Variants in OAS3 observed in about 807,000 individuals in gnomAD.
OAS3 encodes the protein 2'-5'-oligoadenylate synthetase 3.
Under a neutral mutation model 113.0 loss-of-function variants are expected in OAS3, and 107 were observed. The ratio of observed to expected loss-of-function variants is 0.95; its 90% CI spans 0.81 to 1.11. The LOEUF is 1.11. OAS3 is among the 50% of genes most tolerant of loss of function. The pLI is 0.00. For missense variants in OAS3, 1,258 were observed against 1,389.1 expected (o/e 0.91, Z 1.50); for synonymous variants, 552 against 573.6 (o/e 0.96, Z 0.54).
At chr12:112,965,691 C>T (rs1016562295) in intron 11 of OAS3, 53 bp from the exon 12 acceptor site, 130 of 1,538,938 alleles carry the variant, frequency 8.4e-5, no homozygotes, top group East Asian at 2.3e-4. Flanking sequence ...AGTCCAGAAC[C>T]GACAGGCTAA....
chr12:112,941,765 G>A lies in OAS3; in HGVS notation c.373G>A (p.Val125Met), dbSNP rs559681430. 26 of 1,614,028 alleles carry A rather than the reference G, an allele frequency of 1.6e-5. No homozygotes were observed. The highest frequency in any genetic ancestry group is 6.7e-5 in the East Asian group (3 of 44,884). ...GLRLTFPEQS[V>M]PGALQFRLTS... ...GAGACTCACGTTTCCTGAGCAGAGC[G>A]TGCCTGGGGCCCTGCAGTTCCGCCT... The change falls in exon 2 of 16, where the codon GTG becomes ATG. Residue 125 changes from valine (V) to methionine (M), a missense_variant. Transcript: ENST00000228928.
In OAS3 at chr12:112,967,901, A is replaced by G. The variant is rs1284197263; in HGVS notation, c.2866-35A>G. 2.5e-6 allele frequency: 4 copies of G among 1,599,362 alleles called. No homozygotes were observed. The South Asian group carries it at 3.4e-5, about 14-fold the overall frequency. ...TCCCTTCTGTACCTCATCAGTGCCA[A>G]TATGAACCAACATATCTTTCTTCTC... On this transcript the variant is annotated intron_variant, in intron 13 of 15. Transcript: ENST00000228928.
In OAS3 at chr12:112,973,175, C is replaced by G. The variant is rs1256217897; in HGVS notation, c.*3202C>G. On this transcript the variant is annotated 3_prime_UTR_variant, in exon 16 of 16. Coordinates refer to ENST00000228928, the MANE Select transcript of OAS3 (RefSeq NM_006187.4). Reference sequence around the variant, plus strand: ...CCCCATTCCTCCAACCCATTCTCTCCCTAATCCCTAGAAACCACCAATCTG... The same window carrying G: ...CCCCATTCCTCCAACCCATTCTCTCGCTAATCCCTAGAAACCACCAATCTG... The G allele has an allele frequency of 1.6e-4, 25 of 152,166 alleles. No homozygotes were observed. Among genetic ancestry groups the G allele is most frequent in the Admixed American group, 1.6e-3 (25 of 15,276 alleles). 9.4% of individuals were successfully genotyped at this position (152,166 alleles called of 1,614,324 possible). A position where few individuals can be genotyped will look rare whatever the true frequency, so the allele number is the denominator to read the frequency against.
intron 9 of OAS3, 36 bp downstream of exon 9, chr12:112,962,938 C>T (rs746683238): frequency 6.2e-7 from 1 of 1,607,660 alleles, no homozygotes; most frequent in Non-Finnish European, 8.5e-7. Context: ...GCTTCATTAT[C>T]CTCCCCCTCC....
At chr12:112,959,847 CTCTT>C (rs2043866850) in intron 7 of OAS3, among the ~76,000 whole-genome samples, 1 of 152,088 alleles carries the variant, frequency 6.6e-6, no homozygotes, top group Non-Finnish European at 1.5e-5. Context: ...TTATGTTTCT[CTCTT>C]TCTTAAATCA....
intron 5 of OAS3, among the ~76,000 whole-genome samples, 199 bp downstream of exon 5, chr12:112,948,298 T>C (rs946124607): frequency 2.0e-5 from 3 of 151,456 alleles, no homozygotes; most frequent in African/African-American, 7.3e-5. Context: ...AGGTCAGGAG[T>C]TCGAGACCAG....
In OAS3 at chr12:112,950,697, G is replaced by T. The variant is rs753623795; in HGVS notation, c.1379G>T (p.Gly460Val). 1 of 1,613,966 alleles carries T rather than the reference G, an allele frequency of 6.2e-7. No homozygotes were observed. The highest frequency in any genetic ancestry group is 1.1e-5 in the South Asian group (1 of 91,084). The change falls in exon 7 of 16, where the codon GGC becomes GTC. Residue 460 changes from glycine (G) to valine (V), a missense_variant. Physicochemically the swap from Gly to Val is moderately radical, Grantham distance 109 (BLOSUM62 -3). Coordinates refer to ENST00000228928, the MANE Select transcript of OAS3 (RefSeq NM_006187.4). ...VHKASRVSKGGSFGRGTDLRD... is the reference protein window; with the variant it reads ...VHKASRVSKGVSFGRGTDLRD... ...GAGCTGTTCTTCCCTCCACAGGGGG[G>T]CTCATTTGGCCGGGGCACAGACCTA...
Position 112,969,586 on chromosome 12 carries a change from T to C in OAS3, c.3105-22T>C, listed in dbSNP as rs149597379. ...ACCTAGATGTTGCCAGGAATAAGAC[T>C]GTCCCTGGGTGGGAATTGCAGGCCT... is the stretch of plus-strand genomic sequence containing the variant. On this transcript the variant is annotated intron_variant, in intron 14 of 15. Transcript: ENST00000228928. The C allele has an allele frequency of 5.1e-3, 8,036 of 1,586,134 alleles. 52 individuals carry two copies. The highest frequency in any genetic ancestry group is 0.012 in the South Asian group (1,041 of 86,862).
chr12:112,951,108 G>C, intron 7 of OAS3, 133 bp downstream of exon 7: 3 of 792,990 alleles, frequency 3.8e-6, no homozygotes, highest in Non-Finnish European at 5.9e-6. Context: ...TTGAGATACT[G>C]AAAGTAATCA....
intron 11 of OAS3, among the ~76,000 whole-genome samples, chr12:112,965,062 G>C (rs192026992): frequency 6.6e-6 from 1 of 152,332 alleles, no homozygotes; most frequent in African/African-American, 2.4e-5. Context: ...AAAGGACGCT[G>C]GGGGTGTACA....
In OAS3 at chr12:112,949,280, A is replaced by G. The variant is rs116543411; in HGVS notation, c.1374+75A>G. The G allele has an allele frequency of 9.4e-4, 1,269 of 1,347,986 alleles. 15 individuals carry two copies. The African/African-American group carries it at 0.016, about 17-fold the overall frequency. The allele number at this position is 1,347,986 out of a possible 1,614,324, so 83.5% of individuals were successfully genotyped here. On this transcript the variant is annotated intron_variant, in intron 6 of 15. Transcript: ENST00000228928. ...GTGGGGAAGGGAAGGAGTTACAGCA[A>G]TGGAGCTGAGGTTGGGCTGGGGAAC...
intron 7 of OAS3, 22 bp downstream of exon 7, chr12:112,950,997 C>G: frequency 6.2e-7 from 1 of 1,604,290 alleles, no homozygotes; most frequent in Non-Finnish European, 8.5e-7. Context: ...CAGCCTGTCC[C>G]TTGGAGAGTG....
intron 7 of OAS3, 40 bp downstream of exon 7, chr12:112,951,015 C>A: frequency 1.3e-6 from 2 of 1,571,116 alleles, no homozygotes; most frequent in South Asian, 2.3e-5. Context: ...GTGATAGGGA[C>A]CTCAGGCGCC....
intron 13 of OAS3, 124 bp downstream of exon 13, chr12:112,967,717 A>T (rs1443893455): frequency 8.6e-7 from 1 of 1,169,280 alleles, no homozygotes; most frequent in Non-Finnish European, 1.2e-6. Flanking sequence ...GAGCAGAAAG[A>T]GTGCTATATC....
Position 112,950,619 on chromosome 12 carries a change from G to A in OAS3, c.1375-74G>A, listed in dbSNP as rs1040520896. The A allele has an allele frequency of 2.1e-5, 32 of 1,537,670 alleles. 1 individual carries two copies. Among genetic ancestry groups the A allele is most frequent in the Non-Finnish European group, 2.4e-5 (27 of 1,128,686 alleles). ...GCAGGTTCCAGGCTGTAGATGGGGC[G>A]CAGGTGATGGGATCGTAGTCCGACT... On this transcript the variant is annotated intron_variant, in intron 6 of 15. Coordinates refer to ENST00000228928, the MANE Select transcript of OAS3 (RefSeq NM_006187.4).
rs1031223118 is a variant in OAS3, at chr12:112,950,876, C to G, written c.1558C>G (p.Pro520Ala). The change falls in exon 7 of 16, where the codon CCT becomes GCT. Residue 520 changes from proline to alanine, a missense_variant. Pro to Ala is a conservative substitution (Grantham distance 27). Transcript: ENST00000228928. ...GGTGCCCAGCCTGAGCCTTCAGTTTCCTGAGCAGAATGTGCCTGAGGCTCT... is the reference window on the plus strand; with the variant it reads ...GGTGCCCAGCCTGAGCCTTCAGTTTGCTGAGCAGAATGTGCCTGAGGCTCT... ...DQVPSLSLQF[P>A]EQNVPEALQF... 2 of 1,613,912 alleles carry G rather than the reference C, an allele frequency of 1.2e-6. No individual in the cohort carries two copies. Among genetic ancestry groups the G allele is most frequent in the African/African-American group, 2.7e-5 (2 of 74,930 alleles).
Position 112,970,397 on chromosome 12 carries a change from T to C in OAS3, c.*424T>C. ...CCCATTGGCCTCTCCTTGCCAAATC[T>C]AAATAGTTTATATAGGGATGGCAGA... On this transcript the variant is annotated 3_prime_UTR_variant, in exon 16 of 16. Transcript: ENST00000228928. The C allele has an allele frequency of 4.2e-6, 1 of 237,932 alleles. No homozygotes were observed. Among genetic ancestry groups the C allele is most frequent in the Non-Finnish European group, 8.2e-6 (1 of 121,446 alleles). 14.7% of individuals were successfully genotyped at this position (237,932 alleles called of 1,614,324 possible).
chr12:112,945,019 T>C (rs1233197289), intron 3 of OAS3: 1 of 320,914 alleles, frequency 3.1e-6, no homozygotes, highest in East Asian at 8.1e-5. Flanking sequence ...TTAAGAAGTC[T>C]TTCCCTATCC....
At chr12:112,948,822 C>G (rs1403267208) in intron 5 of OAS3, 39 bp from the exon 6 acceptor site, 2 of 1,480,896 alleles carry the variant, frequency 1.4e-6, no homozygotes, top group Non-Finnish European at 1.8e-6. Flanking sequence ...GCAGAAACCA[C>G]TGCGCCTGGC....
Sources: allele counts gnomAD v4.1 joint callset (sites outside exome capture counted in the v4.1 genomes callset), GRCh38; gene constraint gnomAD v4.1.1; transcripts MANE v1.5; gene names NCBI Gene and HGNC (gene_info 2026-07-23, HGNC 2026-07-21).